PADI2: variants seen among roughly 807,000 people sequenced by gnomAD.
PADI2 encodes peptidyl arginine deiminase 2, also known as protein-arginine deiminase type-2.
PADI2 carries 70 observed loss-of-function variants against 81.1 expected under a neutral mutation model. The ratio of observed to expected loss-of-function variants is 0.86; its 90% CI spans 0.71 to 1.05. The LOEUF (loss-of-function observed/expected upper bound fraction) is 1.05, where lower values mean the gene tolerates loss of function less well. Among genes scored for constraint, PADI2 ranks in the 50% least tolerant of loss-of-function variants. PADI2 has a pLI of 0.00. For missense variants in PADI2, 853 were observed against 889.9 expected (o/e 0.96, Z 0.53); for synonymous variants, 338 against 358.0 (o/e 0.94, Z 0.63).
At chr1:17,081,134 A>G (rs1015699194) in intron 10 of PADI2, among the ~76,000 whole-genome samples, 7 of 152,208 alleles carry the variant, frequency 4.6e-5, no homozygotes, top group African/African-American at 1.7e-4. Flanking sequence ...CTCGCTTCTC[A>G]TGCCTGTGGC....
At chr1:17,069,327 G>T in intron 15 of PADI2, 50 bp from the exon 16 acceptor site, 1 of 1,356,808 alleles carries the variant, frequency 7.4e-7, no homozygotes. Context: ...TGAGCACCTA[G>T]TACACACATG....
intron 13 of PADI2, among the ~76,000 whole-genome samples, chr1:17,072,758 CT>C (rs2078273370): frequency 6.6e-6 from 1 of 152,334 alleles, no homozygotes; most frequent in South Asian, 2.1e-4. Flanking sequence ...TATCTATTTT[CT>C]CTCTATCTCT....
chr1:17,112,247 G>A (rs931105763), intron 1 of PADI2, among the ~76,000 whole-genome samples: 2 of 152,138 alleles, frequency 1.3e-5, no homozygotes, highest in Admixed American at 1.3e-4. Context: ...CACTTGCCCA[G>A]TCCCACAAAT....
At chr1:17,108,033 C>T (rs1931448758) in intron 1 of PADI2, among the ~76,000 whole-genome samples, 1 of 151,226 alleles carries the variant, frequency 6.6e-6, no homozygotes, top group Non-Finnish European at 1.5e-5. Flanking sequence ...ATTGCAAACT[C>T]TGTCTCCTTG....
At chr1:17,091,802 G>A (rs969961825) in intron 6 of PADI2, among the ~76,000 whole-genome samples, 1 of 152,046 alleles carries the variant, frequency 6.6e-6, no homozygotes, top group Admixed American at 6.5e-5. Context: ...CTAGACTGGC[G>A]GCTCCTTGAG....
At chr1:17,109,229 A>C (rs1375133725) in intron 1 of PADI2, among the ~76,000 whole-genome samples, 1 of 151,850 alleles carries the variant, frequency 6.6e-6, no homozygotes, top group African/African-American at 2.4e-5. Flanking sequence ...TACTAAAAAA[A>C]ATACAAAAAT....
chr1:17,112,078 C>T (rs1316783752), intron 1 of PADI2, among the ~76,000 whole-genome samples: 1 of 151,990 alleles, frequency 6.6e-6, no homozygotes, highest in Non-Finnish European at 1.5e-5. Flanking sequence ...TGCAGGGTTG[C>T]CCAGAATGCA....
chr1:17,097,139 C>T (rs1425532387), intron 3 of PADI2, among the ~76,000 whole-genome samples: 4 of 152,146 alleles, frequency 2.6e-5, no homozygotes, highest in African/African-American at 4.8e-5. Flanking sequence ...CAGAGCTGCC[C>T]GAGTGGGCTC....
chr1:17,089,849 C>A (rs995070509), intron 6 of PADI2, among the ~76,000 whole-genome samples: 1 of 152,202 alleles, frequency 6.6e-6, no homozygotes, highest in African/African-American at 2.4e-5. Context: ...CCTCTCTGCC[C>A]CAGGCATTGG....
chr1:17,115,310 G>T lies in PADI2; in HGVS notation c.92+3970C>A, dbSNP rs75749608. On this transcript the variant is annotated intron_variant, in intron 1 of 15. Transcript: ENST00000375486. The surrounding 1 kb of genome is among the most constrained non-coding windows in gnomAD (Gnocchi z 4.1). ...ATCCTCCCACCTCCACCTCACAGACGCAGCTGGAACCTCTGCACAGGCAAA... is the reference window on the plus strand; with the variant it reads ...ATCCTCCCACCTCCACCTCACAGACTCAGCTGGAACCTCTGCACAGGCAAA... Among the ~76,000 whole-genome samples the T allele has an allele frequency of 4.9e-4, 74 of 152,346 alleles. No individual in the cohort carries two copies. The highest frequency in any genetic ancestry group is 1.8e-3 in the African/African-American group (73 of 41,566).
At chr1:17,085,668 C>T (rs999189900) in intron 7 of PADI2, among the ~76,000 whole-genome samples, 1 of 152,148 alleles carries the variant, frequency 6.6e-6, no homozygotes, top group Non-Finnish European at 1.5e-5. Context: ...AATTCATTTG[C>T]CTAGTGTCTC....
At position 17,079,283 on chromosome 1, in the gene PADI2, T is replaced by C. The variant is rs1318644783; in HGVS notation, c.1291A>G (p.Ile431Val). 5 of 1,613,008 alleles carry C rather than the reference T, an allele frequency of 3.1e-6. No individual in the cohort carries two copies. The African/African-American group carries it at 4.0e-5, about 13-fold the overall frequency. The change falls in exon 11 of 16, where the codon ATC becomes GTC. Residue 431 changes from isoleucine to valine, a missense_variant. Coordinates refer to ENST00000375486, the MANE Select transcript of PADI2 (RefSeq NM_007365.3). ...TCTTACAGAGGAAAGCTGCTCCCGATGAGGATGCGGCCAAGCGGGTATGTC... is the reference window on the plus strand; with the variant it reads ...TCTTACAGAGGAAAGCTGCTCCCGACGAGGATGCGGCCAAGCGGGTATGTC... Reference protein sequence around the residue: ...GKTYPLGRILIGSSFPLSGGR... With the variant: ...GKTYPLGRILVGSSFPLSGGR...
intron 11 of PADI2, among the ~76,000 whole-genome samples, chr1:17,076,905 G>T (rs143206223): frequency 0.023 from 3,430 of 152,172 alleles, 58 homozygotes; most frequent in South Asian, 0.048. Context: ...GACCCCCCAA[G>T]GTCTGCAATC....
At chr1:17,101,651 G>C (rs560605384) in intron 3 of PADI2, among the ~76,000 whole-genome samples, 1 of 152,138 alleles carries the variant, frequency 6.6e-6, no homozygotes, top group Non-Finnish European at 1.5e-5. Context: ...AGAATGAGAA[G>C]GGCCCTGCTG....
Position 17,069,160 on chromosome 1 carries a change from C to A in PADI2, c.1882G>T (p.Glu628Ter), listed in dbSNP as rs140482730. The change falls in exon 16 of 16, where the codon GAA (glutamate) becomes TAA (stop). Residue 628 changes from glutamate (E) to a stop codon, truncating the protein, a stop_gained. Transcript: ENST00000375486. LOFTEE classifies it high-confidence loss of function. ...GAAATGTCGTCGATGAAGGTGCATT[C>A]GAGGCCCAGGGGCTCCAGGAGGCCA... ...VRGLLEPLGL[E>*]CTFIDDISAY... The A allele has an allele frequency of 1.2e-6, 2 of 1,614,206 alleles. No homozygotes were observed. Among genetic ancestry groups the A allele is most frequent in the East Asian group, 4.5e-5 (2 of 44,886 alleles).
chr1:17,082,001 T>C (rs993740080), intron 10 of PADI2, among the ~76,000 whole-genome samples: 1 of 152,242 alleles, frequency 6.6e-6, no homozygotes, highest in African/African-American at 2.4e-5. Context: ...TAATCCCAGC[T>C]ACTTGGGAGG....
chr1:17,105,038 G>T lies in PADI2; in HGVS notation c.116C>A (p.Thr39Asn), dbSNP rs371450096. Residue 39 changes from threonine to asparagine, a missense_variant, in exon 2 of 16, where the codon ACC becomes AAC. By Grantham distance (65) the Thr-to-Asn change is moderately conservative (BLOSUM62 0). Transcript: ENST00000375486. ...VYSAAPAGAQ[T>N]FSLKHSEHVW... ...GTGTTCCGAGTGCTTCAGGCTGAAG[G>T]TTTGGGCCCCGGCTGGGGCCGCGCT... is the stretch of plus-strand genomic sequence containing the variant. The T allele has an allele frequency of 1.8e-5, 29 of 1,587,948 alleles. No individual in the cohort carries two copies. Among genetic ancestry groups the T allele is most frequent in the Non-Finnish European group, 2.4e-5 (28 of 1,162,524 alleles).
intron 11 of PADI2, among the ~76,000 whole-genome samples, chr1:17,078,341 C>G (rs35342519): frequency 0.56 from 84,210 of 151,696 alleles, 23,566 homozygotes; most frequent in Non-Finnish European, 0.59. Flanking sequence ...AAACTCCCGA[C>G]CTCAGGTGAT....
chr1:17,076,388 C>T (rs2647202), intron 11 of PADI2, among the ~76,000 whole-genome samples: 148,058 of 152,040 alleles, frequency 0.97, 72,094 homozygotes, highest in East Asian at 1. Context: ...CTAATTTTTG[C>T]ATTTTTAGTA....
Sources: allele counts gnomAD v4.1 joint callset (sites outside exome capture counted in the v4.1 genomes callset), GRCh38; gene constraint gnomAD v4.1.1; non-coding constraint Gnocchi (gnomAD v3.1); transcripts MANE v1.5; gene names NCBI Gene and HGNC (gene_info 2026-07-23, HGNC 2026-07-21).